The following MAN1C1 variants were observed in gnomAD, a reference collection of about 807,000 sequenced individuals.
MAN1C1 encodes the protein mannosyl-oligosaccharide 1,2-alpha-mannosidase IC.
MAN1C1 carries 49 observed loss-of-function variants against 71.5 expected under a neutral mutation model. The ratio of observed to expected loss-of-function variants is 0.69; its 90% CI spans 0.54 to 0.87. The LOEUF (loss-of-function observed/expected upper bound fraction) is 0.87. Ranked by LOEUF, MAN1C1 falls within the 40% of genes least tolerant of loss-of-function variation. MAN1C1 has a pLI of 0.00. For synonymous variants in MAN1C1, 352 were observed against 343.7 expected (o/e 1.02, Z -0.27); for missense variants, 743 against 835.0 (o/e 0.89, Z 1.36).
At chr1:25,685,293 C>T (rs2046214557) in intron 1 of MAN1C1, among the ~76,000 whole-genome samples, 1 of 152,228 alleles carries the variant, frequency 6.6e-6, no homozygotes, top group African/African-American at 2.4e-5. Context: ...ATTAGAACCT[C>T]GGCATCTCTG....
At chr1:25,692,347 A>G (rs1031750421) in intron 2 of MAN1C1, among the ~76,000 whole-genome samples, 25 of 152,198 alleles carry the variant, frequency 1.6e-4, no homozygotes, top group African/African-American at 5.1e-4. Context: ...TTGCACATAC[A>G]TTATGCCAGG....
chr1:25,724,248 C>T (rs1444234171), intron 2 of MAN1C1, among the ~76,000 whole-genome samples: 4 of 152,118 alleles, frequency 2.6e-5, no homozygotes, highest in East Asian at 3.9e-4. Flanking sequence ...AAGATGTTCT[C>T]GATCTCCTGA....
Position 25,782,603 on chromosome 1 carries a change from C to T in MAN1C1, c.1669C>T (p.Arg557Trp), listed in dbSNP as rs760943548. The change falls in exon 11 of 12, where the codon CGG becomes TGG. Residue 557 changes from arginine to tryptophan, a missense_variant. Arg to Trp is a moderately radical substitution (Grantham distance 101). Transcript: ENST00000374332. The surrounding 1 kb of genome is among the most constrained non-coding windows in gnomAD (Gnocchi z 4.4). ...TCCTCAGGCCTTGGAGAAATACTGT[C>T]GGACAGAAGCCGGTTTCTCTGGGAT... ...EVVLALEKYC[R>W]TEAGFSGIQD... is the part of the protein sequence containing the mutation. The T allele has an allele frequency of 9.9e-6, 16 of 1,613,866 alleles. No individual in the cohort carries two copies. The highest frequency in any genetic ancestry group is 3.3e-5 in the Admixed American group (2 of 60,014).
intron 1 of MAN1C1, among the ~76,000 whole-genome samples, chr1:25,657,485 C>G (rs959758447): frequency 6.6e-6 from 1 of 152,244 alleles, no homozygotes; most frequent in African/African-American, 2.4e-5. Context: ...TCTAGTGAAT[C>G]ATCCGCACAC....
At chr1:25,733,336 C>T (rs1233391196) in intron 2 of MAN1C1, among the ~76,000 whole-genome samples, 2 of 152,152 alleles carry the variant, frequency 1.3e-5, no homozygotes, top group African/African-American at 2.4e-5. Context: ...TCCAGACCCC[C>T]TTTCTTGAAG....
At chr1:25,675,783 C>T (rs2046058664) in intron 1 of MAN1C1, among the ~76,000 whole-genome samples, 1 of 152,166 alleles carries the variant, frequency 6.6e-6, no homozygotes, top group African/African-American at 2.4e-5. Context: ...TATATACGAG[C>T]CATTGTGCTC....
chr1:25,771,856 C>T (rs1052175615), intron 8 of MAN1C1, 84 bp downstream of exon 8: 67 of 1,077,178 alleles, frequency 6.2e-5, no homozygotes, highest in African/African-American at 9.4e-5. Flanking sequence ...CTGCGGGCAG[C>T]GGGGCCAGAT....
intron 3 of MAN1C1, among the ~76,000 whole-genome samples, chr1:25,747,455 C>T (rs997863050): frequency 3.6e-4 from 55 of 152,306 alleles, no homozygotes; most frequent in African/African-American, 1.2e-3. Flanking sequence ...GAGCTCCCCA[C>T]GGAGAGAGGC....
intron 2 of MAN1C1, among the ~76,000 whole-genome samples, chr1:25,696,238 C>T (rs1462025171): frequency 6.6e-6 from 1 of 152,122 alleles, no homozygotes; most frequent in African/African-American, 2.4e-5. Flanking sequence ...CCCAGCAAAC[C>T]CTGTGACAAA....
intron 2 of MAN1C1, among the ~76,000 whole-genome samples, chr1:25,708,094 T>C (rs1284201912): frequency 6.6e-6 from 1 of 152,208 alleles, no homozygotes; most frequent in Non-Finnish European, 1.5e-5. Context: ...AGTAAGTTTA[T>C]TGAGAAAGTA....
At chr1:25,635,405 G>C (rs1005485616) in intron 1 of MAN1C1, among the ~76,000 whole-genome samples, 1 of 146,488 alleles carries the variant, frequency 6.8e-6, no homozygotes, top group Non-Finnish European at 1.5e-5. Flanking sequence ...GTCTAAAATT[G>C]TTCCTAAGAT....
intron 1 of MAN1C1, among the ~76,000 whole-genome samples, chr1:25,659,689 C>T (rs765188567): frequency 2.7e-4 from 41 of 152,286 alleles, no homozygotes; most frequent in Non-Finnish European, 5.0e-4. Flanking sequence ...CAAAGCAAGG[C>T]TTGGTCTGCC....
chr1:25,755,382 C>T (rs1349069268), intron 5 of MAN1C1, among the ~76,000 whole-genome samples: 1 of 152,208 alleles, frequency 6.6e-6, no homozygotes, highest in Non-Finnish European at 1.5e-5. Flanking sequence ...TCTCCTGCCA[C>T]CCTTATAGAT....
In MAN1C1 at chr1:25,782,990, G is replaced by A. The variant is rs910400044; in HGVS notation, c.1766+290G>A. On this transcript the variant is annotated intron_variant, in intron 11 of 11. Coordinates refer to ENST00000374332, the MANE Select transcript of MAN1C1 (RefSeq NM_020379.4). The surrounding 1 kb of genome is among the most constrained non-coding windows in gnomAD (Gnocchi z 4.4). ...CCAGGTTGCTTCCGTTCTGGGAACC[G>A]CGTCCTCGTGTGTAAAATGGGATAG... is the stretch of plus-strand genomic sequence containing the variant. 6.6e-6 allele frequency among the ~76,000 whole-genome samples: 1 copy of A among 152,168 alleles called. No individual in the cohort carries two copies. The highest frequency in any genetic ancestry group is 1.5e-5 in the Non-Finnish European group (1 of 68,024).
At chr1:25,679,050 A>G (rs1036860074) in intron 1 of MAN1C1, among the ~76,000 whole-genome samples, 1 of 144,642 alleles carries the variant, frequency 6.9e-6, no homozygotes, top group African/African-American at 2.9e-5. Context: ...AGATGAGACA[A>G]GAGAGAGAGA....
At chr1:25,678,080 A>C (rs1037723398) in intron 1 of MAN1C1, among the ~76,000 whole-genome samples, 2 of 151,518 alleles carry the variant, frequency 1.3e-5, no homozygotes, top group Non-Finnish European at 2.9e-5. Flanking sequence ...AAATCACTAA[A>C]CTTCTATCAG....
chr1:25,772,032 A>C (rs2047559852), intron 8 of MAN1C1: 1 of 438,640 alleles, frequency 2.3e-6, no homozygotes. Flanking sequence ...CATTTATCCA[A>C]GGTCTCACGG....
At chr1:25,726,763 A>G (rs1037560037) in intron 2 of MAN1C1, among the ~76,000 whole-genome samples, 1 of 152,094 alleles carries the variant, frequency 6.6e-6, no homozygotes, top group African/African-American at 2.4e-5. Flanking sequence ...GATTAAGAGT[A>G]TAAAATTCTC....
intron 2 of MAN1C1, among the ~76,000 whole-genome samples, chr1:25,740,419 TTTG>T (rs377520036): frequency 4.0e-4 from 61 of 151,636 alleles, no homozygotes; most frequent in African/African-American, 1.1e-3. Flanking sequence ...GACTTGAATT[TTTG>T]TTGTTGTTGT....
Sources: gnomAD v4.1 joint callset for allele counts (sites outside exome capture counted in the v4.1 genomes callset) on GRCh38, gnomAD v4.1.1 for gene constraint, Gnocchi (gnomAD v3.1) non-coding constraint, MANE v1.5 for transcripts, NCBI Gene and HGNC (gene_info 2026-07-23, HGNC 2026-07-21) for gene names.